The following FAM76B variants were observed in gnomAD, a reference collection of about 807,000 sequenced individuals.
FAM76B encodes the protein protein FAM76B.
In FAM76B, 16 loss-of-function variants were observed where a neutral mutation model predicts 51.8. That is an observed-to-expected ratio of 0.31 (90% CI 0.21 to 0.47). The LOEUF (loss-of-function observed/expected upper bound fraction) is 0.47, where lower values mean the gene tolerates loss of function less well. FAM76B is among the 20% of genes least tolerant of loss of function. The pLI is 1.00. For synonymous variants in FAM76B, 166 were observed against 129.5 expected, an observed-to-expected ratio of 1.28 and a Z score of -1.91; for missense variants, 342 against 392.6, an observed-to-expected ratio of 0.87 and a Z score of 1.09.
chr11:95,780,014 T>C (rs1029609888), intron 5 of FAM76B, 88 bp from the exon 6 acceptor site: 4 of 1,234,628 alleles, frequency 3.2e-6, no homozygotes, highest in African/African-American at 1.6e-5. Flanking sequence ...GATACAAATT[T>C]TATGTTTATA....
intron 7 of FAM76B, 176 bp downstream of exon 7, chr11:95,779,427 ACTTT>A (rs1241053215): frequency 1.6e-6 from 1 of 609,448 alleles, no homozygotes; most frequent in African/African-American, 1.9e-5. Flanking sequence ...GTTCAGTGCC[ACTTT>A]CTTATTGCCA....
rs1395858579 is a variant in FAM76B, at chr11:95,769,933, T to C, written c.*1628A>G. 1 of 151,708 alleles carries C rather than the reference T, an allele frequency of 6.6e-6. No homozygotes were observed. The highest frequency in any genetic ancestry group is 2.1e-4 in the South Asian group (1 of 4,820). The allele number at this position is 151,708 out of a possible 1,614,324, so 9.4% of individuals were successfully genotyped here. On this transcript the variant is annotated 3_prime_UTR_variant, in exon 10 of 10. Transcript: ENST00000358780. ...TTTATAATGAACTATGAGAACAGTC[T>C]ATTGAAACACGTCATGTTAAAAAAA... is the stretch of plus-strand genomic sequence containing the variant.
chr11:95,772,904 ATTTT>A (rs1166528105), intron 9 of FAM76B, among the ~76,000 whole-genome samples: 2 of 151,044 alleles, frequency 1.3e-5, no homozygotes. Flanking sequence ...AAATCAAATA[ATTTT>A]TTATGTTCAG....
intron 5 of FAM76B, among the ~76,000 whole-genome samples, chr11:95,782,290 T>G (rs1013617601): frequency 6.6e-6 from 1 of 152,146 alleles, no homozygotes; most frequent in Admixed American, 6.5e-5. Flanking sequence ...AGGTTTGAAA[T>G]GTATGGGACC....
Position 95,788,521 on chromosome 11 carries a change from T to C in FAM76B, c.130A>G (p.Arg44Gly). ...AHPIVKCTYCRSEFQQESKTN... is the reference protein window; with the variant it reads ...AHPIVKCTYCGSEFQQESKTN... ...AACCTCTCTTGTTGAAATTCTGATC[T>C]GCAGTAAGTACATTTTACAATAGGA... Residue 44 changes from arginine to glycine, a missense_variant, in exon 2 of 10, where the codon AGA (arginine) becomes GGA (glycine). Around this residue, in one of 3 missense-constraint regions of FAM76B, gnomAD observed 96 missense variants for 94.7 expected, o/e 1.01. Transcript: ENST00000358780. 1 of 1,612,990 alleles carries C rather than the reference T, an allele frequency of 6.2e-7. No homozygotes were observed. The highest frequency in any genetic ancestry group is 8.5e-7 in the Non-Finnish European group (1 of 1,179,526).
rs1199201138 is a variant in FAM76B at position 95,770,242 on chromosome 11, T to G, written c.*1319A>C. The G allele has an allele frequency of 6.6e-6, 1 of 151,904 alleles. No homozygotes were observed. The highest frequency in any genetic ancestry group is 1.5e-5 in the Non-Finnish European group (1 of 67,566). 9.4% of individuals were successfully genotyped at this position (151,904 alleles called of 1,614,324 possible). ...TCAGAATATAGTCAATAACTTCATATAACCTATCCCACCCTACCTTAACCT... is the reference window on the plus strand; with the variant it reads ...TCAGAATATAGTCAATAACTTCATAGAACCTATCCCACCCTACCTTAACCT... On this transcript the variant is annotated 3_prime_UTR_variant, in exon 10 of 10. Transcript: ENST00000358780.
chr11:95,781,537 C>T (rs1178232436), intron 5 of FAM76B, among the ~76,000 whole-genome samples: 2 of 152,076 alleles, frequency 1.3e-5, no homozygotes, highest in Non-Finnish European at 2.9e-5. Flanking sequence ...ATACTTTAGT[C>T]TTCACAAACA....
intron 4 of FAM76B, among the ~76,000 whole-genome samples, chr11:95,785,137 A>G (rs566186564): frequency 6.6e-6 from 1 of 152,352 alleles, no homozygotes; most frequent in African/African-American, 2.4e-5. Context: ...AACTGTAACT[A>G]GGGTATGCTA....
At chr11:95,784,311 A>G (rs982420741) in intron 4 of FAM76B, among the ~76,000 whole-genome samples, 3 of 152,146 alleles carry the variant, frequency 2.0e-5, no homozygotes, top group African/African-American at 4.8e-5. Flanking sequence ...GAAGAGGGAA[A>G]GAATCAGGAA....
chr11:95,772,191 A>T (rs1202893632), intron 9 of FAM76B, among the ~76,000 whole-genome samples: 1 of 150,794 alleles, frequency 6.6e-6, no homozygotes, highest in Non-Finnish European at 1.5e-5. Flanking sequence ...ATGATATTCA[A>T]TTTTTTTTAA....
chr11:95,781,087 T>C (rs1027536165), intron 5 of FAM76B, among the ~76,000 whole-genome samples: 11 of 151,948 alleles, frequency 7.2e-5, no homozygotes, highest in African/African-American at 2.4e-4. Flanking sequence ...TCCCTTTTTT[T>C]TTTTTCCCAC....
intron 7 of FAM76B, 183 bp downstream of exon 7, chr11:95,779,424 G>T: frequency 1.7e-6 from 1 of 594,504 alleles, no homozygotes; most frequent in Non-Finnish European, 2.8e-6. Context: ...ATAGTTCAGT[G>T]CCACTTTCTT....
chr11:95,787,609 A>G lies in FAM76B; in HGVS notation c.207+15T>C, dbSNP rs1350339913. 13 of 1,607,624 alleles carry G rather than the reference A, an allele frequency of 8.1e-6. No homozygotes were observed. The highest frequency in any genetic ancestry group is 2.7e-5 in the African/African-American group (2 of 74,830). On this transcript the variant is annotated intron_variant, in intron 3 of 9. Transcript: ENST00000358780. ...TAACTGGTAACAATGACATGAAAAC[A>G]TAAGACATACTTACCGTCCCAAATT...
intron 6 of FAM76B, 30 bp from the exon 7 acceptor site, chr11:95,779,717 G>A: frequency 6.3e-7 from 1 of 1,595,650 alleles, no homozygotes; most frequent in Non-Finnish European, 8.5e-7. Context: ...AGAATAGTTA[G>A]AGTAAAAAGG....
At chr11:95,785,927 A>C (rs933194328) in intron 4 of FAM76B, among the ~76,000 whole-genome samples, 192 bp downstream of exon 4, 1 of 152,228 alleles carries the variant, frequency 6.6e-6, no homozygotes, top group East Asian at 1.9e-4. Context: ...AATATTTTTT[A>C]AAGTATAGTA....
intron 9 of FAM76B, among the ~76,000 whole-genome samples, chr11:95,774,956 C>A (rs1203122842): frequency 6.8e-6 from 1 of 147,976 alleles, no homozygotes; most frequent in Non-Finnish European, 1.5e-5. Context: ...ATGAATAATA[C>A]AAAACCAAAA....
At chr11:95,785,208 CTACACTTTATCATA>C in intron 4 of FAM76B, among the ~76,000 whole-genome samples, 1 of 152,160 alleles carries the variant, frequency 6.6e-6, no homozygotes. Context: ...AATTTAAAAA[CTACACTTTATCATA>C]GGCACGTATG....
chr11:95,784,497 G>A (rs1408705772), intron 4 of FAM76B, among the ~76,000 whole-genome samples: 1 of 151,446 alleles, frequency 6.6e-6, no homozygotes, highest in Non-Finnish European at 1.5e-5. Flanking sequence ...TGTTACATAA[G>A]TTATGTTCAG....
chr11:95,788,715 G>A lies in FAM76B; in HGVS notation c.88-152C>T. On this transcript the variant is annotated intron_variant, in intron 1 of 9. Coordinates refer to ENST00000358780, the MANE Select transcript of FAM76B (RefSeq NM_144664.5). ...GAACTGGATGCTTTATCATATAAGT[G>A]GCCAATCACAATATAATTCCTTAGG... 4 of 1,214,734 alleles carry A rather than the reference G, an allele frequency of 3.3e-6. No individual in the cohort carries two copies. In the South Asian group the frequency reaches 4.5e-5, roughly 14 times the overall value. The allele number at this position is 1,214,734 out of a possible 1,614,324, so 75.2% of individuals were successfully genotyped here.
Sources: gnomAD v4.1 joint callset for allele counts (sites outside exome capture counted in the v4.1 genomes callset) on GRCh38, gnomAD v4.1.1 for gene constraint, gnomAD v4.1.1 regional missense constraint, MANE v1.5 for transcripts, NCBI Gene and HGNC (gene_info 2026-07-23, HGNC 2026-07-21) for gene names.